The following MED25 variants were observed in gnomAD, a reference collection of about 807,000 sequenced individuals.
The protein encoded by MED25 is mediator complex subunit 25, also known as mediator of RNA polymerase II transcription subunit 25.
MED25 carries 62 observed loss-of-function variants against 89.4 expected under a neutral mutation model. The observed-to-expected ratio is 0.69, with a 90% confidence interval of 0.57 to 0.86. The LOEUF is 0.86. Among genes scored for constraint, MED25 ranks in the 40% least tolerant of loss-of-function variants. The probability of loss-of-function intolerance (pLI) is 0.00; values close to 1 mark genes in which losing one functional copy is unlikely to be tolerated. For synonymous variants in MED25, 449 were observed against 427.9 expected (o/e 1.05, Z -0.61); for missense variants, 905 against 1,005.2 (o/e 0.90, Z 1.35).
intron 13 of MED25, 115 bp downstream of exon 13, chr19:49,832,530 T>G: frequency 1.4e-6 from 1 of 712,146 alleles, no homozygotes; most frequent in Admixed American, 2.0e-5. Flanking sequence ...GATGGTTGGG[T>G]GCACTTCATG....
At chr19:49,820,756 C>G (rs1037665208) in intron 3 of MED25, among the ~76,000 whole-genome samples, 2 of 152,048 alleles carry the variant, frequency 1.3e-5, no homozygotes, top group Admixed American at 1.3e-4. Context: ...CTTTAATTTC[C>G]TGCCTCACCA....
chr19:49,826,165 C>T (rs1245795352), intron 3 of MED25, among the ~76,000 whole-genome samples: 1 of 151,748 alleles, frequency 6.6e-6, no homozygotes, highest in Non-Finnish European at 1.5e-5. Context: ...ACCGTGAAAC[C>T]CCGTCTCTAC....
chr19:49,830,404 C>T lies in MED25; in HGVS notation c.820-107C>T, dbSNP rs1189141725. 1.6e-6 allele frequency: 2 copies of T among 1,263,228 alleles called. No homozygotes were observed. Among genetic ancestry groups the T allele is most frequent in the Non-Finnish European group, 2.3e-6 (2 of 878,432 alleles). The allele number at this position is 1,263,228 out of a possible 1,614,324, so 78.3% of individuals were successfully genotyped here. On this transcript the variant is annotated intron_variant, in intron 7 of 17. Transcript: ENST00000312865. This position sits in a 1 kb window ranked among gnomAD's most constrained non-coding sequence, Gnocchi z 4.6. ...TGATGGGTGTTGTGAGCTAAGCTAT[C>T]CCAGCTGGTGCCTCATGGGGCCATG... is the stretch of plus-strand genomic sequence containing the variant.
intron 3 of MED25, among the ~76,000 whole-genome samples, chr19:49,821,078 G>C (rs992139125): frequency 6.6e-6 from 1 of 152,236 alleles, no homozygotes. Context: ...TGGTTGGGCT[G>C]AGGGTCTCAC....
intron 3 of MED25, among the ~76,000 whole-genome samples, chr19:49,826,659 G>A (rs1417704209): frequency 6.6e-6 from 1 of 152,230 alleles, no homozygotes; most frequent in African/African-American, 2.4e-5. Context: ...CTTGACAGCT[G>A]CAGTATCGGG....
chr19:49,839,576 C>G (rs1440305504), downstream of MED25: 1 of 152,272 alleles, frequency 6.6e-6, no homozygotes, highest in Non-Finnish European at 1.5e-5. Context: ...GCAAAAGCCA[C>G]AGTGGGTTCC....
chr19:49,840,358 G>A (rs1306591432), downstream of MED25: 2 of 152,086 alleles, frequency 1.3e-5, no homozygotes, highest in Non-Finnish European at 2.9e-5. Context: ...ATTCACCATA[G>A]TTGAGTAAAG....
At position 49,831,298 on chromosome 19, in the gene MED25, C is replaced by T. The variant is rs2074055275; in HGVS notation, c.1102-35C>T. 6.2e-7 allele frequency: 1 copy of T among 1,603,156 alleles called. No homozygotes were observed. Among genetic ancestry groups the T allele is most frequent in the Non-Finnish European group, 8.5e-7 (1 of 1,176,414 alleles). On this transcript the variant is annotated intron_variant, in intron 9 of 17. Transcript: ENST00000312865. The surrounding 1 kb of genome is among the most constrained non-coding windows in gnomAD (Gnocchi z 5.0). ...GGCCCCCGGAGGCTCCCGGCCTTCCCCATTCTCATGGCCCTCCTTCCTCCC... is the reference window on the plus strand; with the variant it reads ...GGCCCCCGGAGGCTCCCGGCCTTCCTCATTCTCATGGCCCTCCTTCCTCCC...
intron 3 of MED25, among the ~76,000 whole-genome samples, chr19:49,820,529 C>G (rs775711288): frequency 1.3e-5 from 2 of 152,204 alleles, no homozygotes; most frequent in Admixed American, 6.5e-5. Context: ...TACTTGAAGT[C>G]ATGAGTTACA....
intron 12 of MED25, 54 bp downstream of exon 12, chr19:49,832,211 C>G: frequency 6.3e-7 from 1 of 1,592,894 alleles, no homozygotes; most frequent in Non-Finnish European, 8.6e-7. Flanking sequence ...ACCCTGCTGT[C>G]TCTTTCCTGT....
At chr19:49,820,272 G>C (rs758724981) in intron 3 of MED25, among the ~76,000 whole-genome samples, 1 of 152,220 alleles carries the variant, frequency 6.6e-6, no homozygotes, top group Non-Finnish European at 1.5e-5. Context: ...TTCACAAAAG[G>C]GGGTGGGCTA....
chr19:49,830,063 G>T lies in MED25; in HGVS notation c.689-25G>T. ...TGCATCTTGAATCCCTTCTCTCTGGGGTTGGCCATCCCTCCTGCTCTCAGT... is the reference window on the plus strand; with the variant it reads ...TGCATCTTGAATCCCTTCTCTCTGGTGTTGGCCATCCCTCCTGCTCTCAGT... On this transcript the variant is annotated intron_variant, in intron 6 of 17. Coordinates refer to ENST00000312865, the MANE Select transcript of MED25 (RefSeq NM_030973.4). This position sits in a 1 kb window ranked among gnomAD's most constrained non-coding sequence, Gnocchi z 4.6. 1 of 1,601,222 alleles carries T rather than the reference G, an allele frequency of 6.2e-7. No individual in the cohort carries two copies.
rs200694059 is a variant in MED25 at position 49,836,902 on chromosome 19, G to A, written c.2202G>A (p.Gln734=). The A allele has an allele frequency of 2.5e-6, 4 of 1,612,990 alleles. No individual in the cohort carries two copies. Among genetic ancestry groups the A allele is most frequent in the East Asian group, 2.2e-5 (1 of 44,858 alleles). The stretch of plus-strand genomic sequence containing the variant: ...GCCCGGTCCCCCAGCCGGGCCTGCA[G>A]CCCAGCGTCATGGAGGACGACATCC... ...PRGPVPQPGL[Q]PSVMEDDILM... The change falls in exon 18 of 18, where the codon CAG becomes CAA. Residue 734 remains glutamine, a synonymous_variant. Coordinates refer to ENST00000312865, the MANE Select transcript of MED25 (RefSeq NM_030973.4). The surrounding 1 kb of genome is among the most constrained non-coding windows in gnomAD (Gnocchi z 5.1).
chr19:49,831,880 C>T lies in MED25; in HGVS notation c.1231-56C>T. Reference sequence around the variant, plus strand: ...GCTACCAGGGTAGGACATGAGGGCTCAAGGGGACTGAGGCTTATGGCCCTT... The same window carrying T: ...GCTACCAGGGTAGGACATGAGGGCTTAAGGGGACTGAGGCTTATGGCCCTT... On this transcript the variant is annotated intron_variant, in intron 10 of 17. Coordinates refer to ENST00000312865, the MANE Select transcript of MED25 (RefSeq NM_030973.4). This position sits in a 1 kb window ranked among gnomAD's most constrained non-coding sequence, Gnocchi z 5.0. The T allele has an allele frequency of 6.6e-7, 1 of 1,518,276 alleles. No homozygotes were observed. The highest frequency in any genetic ancestry group is 1.1e-5 in the South Asian group (1 of 89,068). The allele number at this position is 1,518,276 out of a possible 1,614,324, so 94.1% of individuals were successfully genotyped here. A position where few individuals can be genotyped will look rare whatever the true frequency, so the allele number is the denominator to read the frequency against.
chr19:49,828,518 T>G lies in MED25; in HGVS notation c.375T>G (p.Phe125Leu). 6.2e-7 allele frequency: 1 copy of G among 1,614,104 alleles called. No homozygotes were observed. Among genetic ancestry groups the G allele is most frequent in the Non-Finnish European group, 8.5e-7 (1 of 1,179,984 alleles). The change falls in exon 4 of 18, where the codon TTT becomes TTG. Residue 125 changes from phenylalanine to leucine, a missense_variant. By Grantham distance (22) the Phe-to-Leu change is conservative. Around this residue, in one of 3 missense-constraint regions of MED25, gnomAD observed 501 missense variants for 526.9 expected, o/e 0.95. Transcript: ENST00000312865. ...GACTCAGCACAGCCTTGCAGCTGTT[T>G]GATGACTTCAAGAAGATGCGCGAGC... ...AEGLSTALQL[F>L]DDFKKMREQI... is the part of the protein sequence containing the mutation.
downstream of MED25, among the ~76,000 whole-genome samples, chr19:49,837,947 C>T (rs921033297): frequency 4.6e-5 from 7 of 152,098 alleles, no homozygotes; most frequent in Non-Finnish European, 7.4e-5. Context: ...AGGTTTGGGA[C>T]GTGGCAAGGT....
rs768266695 is a variant in MED25 at position 49,832,130 on chromosome 19, C to CT, written c.1347_1348insT (p.Met450TyrfsTer58). On this transcript the variant is annotated frameshift_variant, in exon 12 of 18. Transcript: ENST00000312865. LOFTEE classifies it high-confidence loss of function. ...CGGAGCAGTGGCCCCAGAAGCTGAT[C>CT]ATGCAGCTCATCCCCCAGCAGCTGC... 1 of 1,613,054 alleles carries CT rather than the reference C, an allele frequency of 6.2e-7. No individual in the cohort carries two copies. The highest frequency in any genetic ancestry group is 8.5e-7 in the Non-Finnish European group (1 of 1,180,014).
In MED25 at chr19:49,818,296, G is replaced by A. The variant is rs748943682; in HGVS notation, c.-46G>A. The stretch of plus-strand genomic sequence containing the variant: ...GCAGGCGCATTTCTGCTCATTCCGC[G>A]GCGTCGGCTGCGGCTGCAGTGGTGG... On this transcript the variant is annotated 5_prime_UTR_variant, in exon 1 of 18. Transcript: ENST00000312865. The A allele has an allele frequency of 6.4e-7, 1 of 1,550,908 alleles. No homozygotes were observed.
rs1374589770 is a variant in MED25 at position 49,836,462 on chromosome 19, G to T, written c.2146+56G>T. On this transcript the variant is annotated intron_variant, in intron 17 of 17. Transcript: ENST00000312865. This position sits in a 1 kb window ranked among gnomAD's most constrained non-coding sequence, Gnocchi z 5.1. The stretch of plus-strand genomic sequence containing the variant: ...GGACTGAGTGTCCCAGCAGCTCCTG[G>T]GCTAGAGCACCAAGACCGAGTGCTC... 6.5e-7 allele frequency: 1 copy of T among 1,541,744 alleles called. No individual in the cohort carries two copies. The highest frequency in any genetic ancestry group is 8.8e-7 in the Non-Finnish European group (1 of 1,137,624).
Sources: allele counts gnomAD v4.1 joint callset (sites outside exome capture counted in the v4.1 genomes callset), GRCh38; gene constraint gnomAD v4.1.1; regional missense constraint gnomAD v4.1.1; non-coding constraint Gnocchi (gnomAD v3.1); transcripts MANE v1.5; gene names NCBI Gene and HGNC (gene_info 2026-07-23, HGNC 2026-07-21).